Variants in DLG2 observed in about 807,000 individuals in gnomAD.
DLG2 encodes discs large MAGUK scaffold protein 2.
In DLG2, 45 loss-of-function variants were observed where a neutral mutation model predicts 132.5. The ratio of observed to expected loss-of-function variants is 0.34; its 90% CI spans 0.27 to 0.44. DLG2 has a LOEUF of 0.44. DLG2 is among the 20% of genes least tolerant of loss of function. DLG2 has a pLI of 1.00. For missense variants in DLG2, 1,045 were observed against 1,196.9 expected, an observed-to-expected ratio of 0.87 and a Z score of 1.87; for synonymous variants, 424 against 419.6, an observed-to-expected ratio of 1.01 and a Z score of -0.13.
At chr11:85,409,173 T>A (rs2089077421) in intron 3 of DLG2, among the ~76,000 whole-genome samples, 1 of 151,960 alleles carries the variant, frequency 6.6e-6, no homozygotes, top group Non-Finnish European at 1.5e-5. Flanking sequence ...ATATAGATAC[T>A]AAGTCAAACA....
intron 7 of DLG2, among the ~76,000 whole-genome samples, chr11:84,524,198 G>A (rs1175319780): frequency 1.3e-5 from 2 of 152,176 alleles, no homozygotes; most frequent in Non-Finnish European, 2.9e-5. Context: ...GTCACAGGTG[G>A]CCCATCACTG....
rs1555372680 is a variant in DLG2, at chr11:83,743,449, T to TTTTTTA, written c.1825+43240_1825+43241insTAAAAA. 2.6e-4 allele frequency among the ~76,000 whole-genome samples: 32 copies of TTTTTTA among 124,092 alleles called. 3 individuals carry two copies. Among genetic ancestry groups the TTTTTTA allele is most frequent in the South Asian group, 1.3e-3 (5 of 3,916 alleles). 81.4% of individuals were successfully genotyped at this position (124,092 alleles called of 152,430 possible). ...AGGCCATTTTTTTTTTTTTTTTTTT[T>TTTTTTA]ATGACAGGGTCTCACTTTGTCACCC... On this transcript the variant is annotated intron_variant, in intron 18 of 27. Coordinates refer to ENST00000376104, the MANE Select transcript of DLG2 (RefSeq NM_001142699.3).
At chr11:85,095,235 T>C (rs1180097404) in intron 6 of DLG2, among the ~76,000 whole-genome samples, 1 of 152,182 alleles carries the variant, frequency 6.6e-6, no homozygotes, top group East Asian at 1.9e-4. Context: ...ATTACCAATA[T>C]GTGACAGAGA....
intron 6 of DLG2, among the ~76,000 whole-genome samples, chr11:84,549,582 A>G (rs910278404): frequency 6.6e-6 from 1 of 152,156 alleles, no homozygotes; most frequent in African/African-American, 2.4e-5. Context: ...GTGCGACTTT[A>G]GGGAAGTATG....
chr11:84,502,554 C>A (rs2099223542), intron 7 of DLG2, among the ~76,000 whole-genome samples: 1 of 150,940 alleles, frequency 6.6e-6, no homozygotes, highest in African/African-American at 2.4e-5. Context: ...CGCCACCATA[C>A]CTGGCTAATT....
At chr11:84,781,151 TAA>T (rs2071702795) in intron 6 of DLG2, among the ~76,000 whole-genome samples, 1 of 151,706 alleles carries the variant, frequency 6.6e-6, no homozygotes, top group Non-Finnish European at 1.5e-5. Flanking sequence ...GCACAGAATA[TAA>T]AAATACAAAA....
At chr11:83,622,477 A>G (rs2061790371) in intron 19 of DLG2, among the ~76,000 whole-genome samples, 2 of 152,198 alleles carry the variant, frequency 1.3e-5, no homozygotes, top group Admixed American at 6.5e-5. Flanking sequence ...TCACAAATCC[A>G]TATGCTCTGG....
At chr11:83,976,267 T>C (rs552264305) in intron 12 of DLG2, among the ~76,000 whole-genome samples, 1 of 152,098 alleles carries the variant, frequency 6.6e-6, no homozygotes, top group Admixed American at 6.6e-5. Flanking sequence ...TGGAGTTTTA[T>C]TTTAGACCAG....
chr11:83,887,324 T>C (rs1430042372), intron 15 of DLG2, among the ~76,000 whole-genome samples: 9 of 152,134 alleles, frequency 5.9e-5, no homozygotes, highest in Admixed American at 3.9e-4. Context: ...CAAACACCTC[T>C]ACGCAAATAA....
chr11:83,757,815 C>A (rs2093715423), intron 18 of DLG2, among the ~76,000 whole-genome samples: 1 of 152,128 alleles, frequency 6.6e-6, no homozygotes, highest in Non-Finnish European at 1.5e-5. Flanking sequence ...ATAACTACCA[C>A]CCCCTTCTCT....
At chr11:85,063,776 T>A (rs2064462144) in intron 6 of DLG2, among the ~76,000 whole-genome samples, 1 of 151,834 alleles carries the variant, frequency 6.6e-6, no homozygotes, top group African/African-American at 2.4e-5. Flanking sequence ...AGTCATTTGA[T>A]AAGAAGCAAT....
intron 3 of DLG2, among the ~76,000 whole-genome samples, chr11:85,588,244 G>C (rs1450032073): frequency 1.3e-5 from 2 of 152,130 alleles, no homozygotes; most frequent in Non-Finnish European, 2.9e-5. Context: ...TGGATGTTTA[G>C]TTCTCTGGTG....
chr11:84,773,210 A>G (rs2023093), intron 6 of DLG2, among the ~76,000 whole-genome samples: 1 of 151,814 alleles, frequency 6.6e-6, no homozygotes, highest in Non-Finnish European at 1.5e-5. Context: ...GAAACATACA[A>G]CCTCCCAAGA....
At chr11:85,141,173 A>G (rs1435502507) in intron 5 of DLG2, among the ~76,000 whole-genome samples, 3 of 151,854 alleles carry the variant, frequency 2.0e-5, no homozygotes, top group African/African-American at 7.2e-5. Flanking sequence ...GTACTAATTT[A>G]TACTCCCATA....
At chr11:85,115,885 C>T (rs1045942330) in intron 5 of DLG2, among the ~76,000 whole-genome samples, 1 of 151,932 alleles carries the variant, frequency 6.6e-6, no homozygotes, top group Non-Finnish European at 1.5e-5. Flanking sequence ...TTCCCTTTAT[C>T]TCTTCTTCAC....
At chr11:85,566,807 T>G (rs962204007) in intron 3 of DLG2, among the ~76,000 whole-genome samples, 9 of 152,304 alleles carry the variant, frequency 5.9e-5, no homozygotes, top group Admixed American at 4.6e-4. Flanking sequence ...GTTTTAGCTC[T>G]TATATTTAGG....
chr11:84,842,232 A>G (rs2080790803), intron 6 of DLG2, among the ~76,000 whole-genome samples: 1 of 152,010 alleles, frequency 6.6e-6, no homozygotes, highest in Non-Finnish European at 1.5e-5. Flanking sequence ...ACCAGACATT[A>G]TTCAAAATAC....
At chr11:84,155,875 A>G (rs1410236607) in intron 9 of DLG2, among the ~76,000 whole-genome samples, 2 of 152,132 alleles carry the variant, frequency 1.3e-5, no homozygotes, top group Admixed American at 1.3e-4. Context: ...ACCTTATCCT[A>G]AAGACAATAA....
At chr11:84,537,353 A>C (rs2099358127) in intron 6 of DLG2, among the ~76,000 whole-genome samples, 1 of 151,900 alleles carries the variant, frequency 6.6e-6, no homozygotes. Flanking sequence ...TGATCCGTCC[A>C]CCTCAGCCTC....
Sources: gnomAD v4.1 joint callset for allele counts (sites outside exome capture counted in the v4.1 genomes callset) on GRCh38, gnomAD v4.1.1 for gene constraint, MANE v1.5 for transcripts, NCBI Gene and HGNC (gene_info 2026-07-23, HGNC 2026-07-21) for gene names.